GPC6: variants seen among roughly 807,000 people sequenced by gnomAD.
GPC6 encodes glypican-6.
In GPC6, 14 loss-of-function variants were observed where a neutral mutation model predicts 55.2. That is an observed-to-expected ratio of 0.25 (90% CI 0.17 to 0.40). The LOEUF (loss-of-function observed/expected upper bound fraction) is 0.40, where lower values mean the gene tolerates loss of function less well. GPC6 is among the 10% of genes least tolerant of loss of function. The probability of loss-of-function intolerance (pLI) is 1.00; values close to 1 mark genes in which losing one functional copy is unlikely to be tolerated. For missense variants in GPC6, 641 were observed against 708.5 expected (o/e 0.90, Z 1.08); for synonymous variants, 278 against 259.6 (o/e 1.07, Z -0.68).
At chr13:93,607,884 T>G (rs1878309496) in intron 2 of GPC6, among the ~76,000 whole-genome samples, 1 of 152,088 alleles carries the variant, frequency 6.6e-6, no homozygotes, top group African/African-American at 2.4e-5. Flanking sequence ...CTTCTGGGGA[T>G]AGTGTCACCT....
intron 1 of GPC6, among the ~76,000 whole-genome samples, chr13:93,246,915 T>TC (rs1566539755): frequency 2.0e-5 from 3 of 151,008 alleles, no homozygotes; most frequent in South Asian, 4.2e-4. Context: ...TATCCTAATT[T>TC]CCCCCCCAAA....
intron 5 of GPC6, among the ~76,000 whole-genome samples, chr13:94,298,269 AT>A (rs1466058640): frequency 7.9e-5 from 12 of 152,242 alleles, no homozygotes; most frequent in Middle Eastern, 3.4e-3. Flanking sequence ...TTTTAATGAA[AT>A]TTTTTTAACA....
intron 7 of GPC6, among the ~76,000 whole-genome samples, chr13:94,396,974 T>A (rs9589993): frequency 0.04 from 6,129 of 152,150 alleles, 386 homozygotes; most frequent in African/African-American, 0.14. Flanking sequence ...GATAAAATAC[T>A]CCCCATCTCC....
At chr13:93,888,524 C>A (rs1320641995) in intron 3 of GPC6, among the ~76,000 whole-genome samples, 2 of 152,084 alleles carry the variant, frequency 1.3e-5, no homozygotes, top group African/African-American at 4.8e-5. Flanking sequence ...TCTTGGAAAA[C>A]ACTTTTTAAT....
At chr13:93,280,719 C>A (rs1343752768) in intron 1 of GPC6, among the ~76,000 whole-genome samples, 1 of 152,216 alleles carries the variant, frequency 6.6e-6, no homozygotes, top group Non-Finnish European at 1.5e-5. Flanking sequence ...CAGTGGTCCC[C>A]AGTCATTTTG....
At chr13:93,754,732 A>G (rs1884712382) in intron 2 of GPC6, among the ~76,000 whole-genome samples, 2 of 151,994 alleles carry the variant, frequency 1.3e-5, no homozygotes. Context: ...CGATGGAACT[A>G]CTGTTCTCAT....
intron 1 of GPC6, among the ~76,000 whole-genome samples, chr13:93,459,497 G>A (rs1021243437): frequency 2.6e-5 from 4 of 152,006 alleles, no homozygotes; most frequent in Admixed American, 1.3e-4. Flanking sequence ...AGGATTCATT[G>A]GTGGTCTAAA....
intron 1 of GPC6, among the ~76,000 whole-genome samples, chr13:93,333,402 T>C (rs866871317): frequency 1.3e-5 from 2 of 152,202 alleles, no homozygotes; most frequent in Admixed American, 6.5e-5. Flanking sequence ...ATTTTCATTG[T>C]AGATGTTTCA....
intron 1 of GPC6, among the ~76,000 whole-genome samples, chr13:93,385,606 A>G (rs999650895): frequency 1.3e-5 from 2 of 152,282 alleles, no homozygotes; most frequent in South Asian, 4.1e-4. Context: ...TAACTCGACA[A>G]TCTGAAACGT....
intron 3 of GPC6, among the ~76,000 whole-genome samples, chr13:93,892,599 A>AT (rs1199872954): frequency 6.6e-6 from 1 of 152,186 alleles, no homozygotes; most frequent in African/African-American, 2.4e-5. Flanking sequence ...TGCAATCAAT[A>AT]TTTTTTTGCA....
chr13:94,137,849 G>A (rs935791903), intron 4 of GPC6, among the ~76,000 whole-genome samples: 1 of 152,146 alleles, frequency 6.6e-6, no homozygotes, highest in Non-Finnish European at 1.5e-5. Context: ...AAGAAGGGAG[G>A]TGGAGGGGCC....
At chr13:93,993,751 C>A (rs1035255725) in intron 3 of GPC6, among the ~76,000 whole-genome samples, 1 of 152,108 alleles carries the variant, frequency 6.6e-6, no homozygotes, top group Non-Finnish European at 1.5e-5. Flanking sequence ...TAGTTGGACA[C>A]GTATTTCTAA....
intron 3 of GPC6, among the ~76,000 whole-genome samples, chr13:93,873,956 C>G (rs1368063762): frequency 6.6e-6 from 1 of 151,970 alleles, no homozygotes; most frequent in African/African-American, 2.4e-5. Flanking sequence ...TTACTCTCAG[C>G]CACCATCATG....
At chr13:93,536,636 T>G (rs1882074858) in intron 1 of GPC6, among the ~76,000 whole-genome samples, 1 of 152,248 alleles carries the variant, frequency 6.6e-6, no homozygotes, top group Non-Finnish European at 1.5e-5. Flanking sequence ...ATGGGCATTT[T>G]GGTTGTTTCA....
intron 4 of GPC6, among the ~76,000 whole-genome samples, chr13:94,191,936 A>G (rs1889408514): frequency 6.6e-6 from 1 of 152,212 alleles, no homozygotes; most frequent in Non-Finnish European, 1.5e-5. Flanking sequence ...CTGGATTCAT[A>G]TGAAAAATAT....
chr13:94,351,272 C>T (rs1342627841), intron 6 of GPC6, among the ~76,000 whole-genome samples: 1 of 152,074 alleles, frequency 6.6e-6, no homozygotes, highest in African/African-American at 2.4e-5. Context: ...ACAAAAAACA[C>T]CACCTGGGGA....
In GPC6 at chr13:94,351,987, A is replaced by G. The variant is rs539155739; in HGVS notation, c.1153-30427A>G. On this transcript the variant is annotated intron_variant, in intron 6 of 8. Transcript: ENST00000377047. Reference sequence around the variant, plus strand: ...CAAAAAAAAAAAAAAAAAAAAGAAAAAGAAAAAAAATAAAAGAAAATAGAA... The same window carrying G: ...CAAAAAAAAAAAAAAAAAAAAGAAAGAGAAAAAAAATAAAAGAAAATAGAA... 2.0e-3 allele frequency among the ~76,000 whole-genome samples: 307 copies of G among 151,318 alleles called. 2 individuals are homozygous for G. Among genetic ancestry groups the G allele is most frequent in the African/African-American group, 7.1e-3 (291 of 41,226 alleles).
rs150096219 is a variant in GPC6, at chr13:93,773,644, C to T, written c.320-56510C>T. Among the ~76,000 whole-genome samples the T allele has an allele frequency of 2.9e-4, 44 of 152,250 alleles. No homozygotes were observed. In the East Asian group the frequency reaches 6.6e-3, roughly 23 times the overall value. The stretch of plus-strand genomic sequence containing the variant: ...CTTGAGCCCATGGTTTTCTCACCTA[C>T]GTTTCACGGGTTCAGTCTATGCCCT... On this transcript the variant is annotated intron_variant, in intron 2 of 8. Transcript: ENST00000377047.
intron 6 of GPC6, 180 bp downstream of exon 6, chr13:94,306,303 A>G (rs757652845): frequency 2.2e-5 from 16 of 713,326 alleles, no homozygotes. Flanking sequence ...CATGTATTGG[A>G]TTATTTAAGA....
Sources: allele counts gnomAD v4.1 joint callset (sites outside exome capture counted in the v4.1 genomes callset), GRCh38; gene constraint gnomAD v4.1.1; transcripts MANE v1.5; gene names NCBI Gene and HGNC (gene_info 2026-07-23, HGNC 2026-07-21).